Variants in RBFOX1 observed in about 807,000 individuals in gnomAD.
RBFOX1 encodes RNA binding fox-1 homolog 1, also known as RNA binding protein fox-1 homolog 1.
A neutral mutation model predicts 57.7 loss-of-function variants in RBFOX1; 8 were observed. The observed-to-expected ratio is 0.14, with a 90% CI of 0.08 to 0.25. The LOEUF is 0.25. RBFOX1 is among the 10% of genes least tolerant of loss of function. The pLI is 1.00. For synonymous variants in RBFOX1, 326 were observed against 222.4 expected (o/e 1.47, Z -4.15); for missense variants, 611 against 548.5 (o/e 1.11, Z -1.14).
chr16:7,563,937 C>A (rs1457653419), intron 5 of RBFOX1, among the ~76,000 whole-genome samples: 1 of 152,118 alleles, frequency 6.6e-6, no homozygotes, highest in East Asian at 1.9e-4. Context: ...AGTAGGTGCT[C>A]AGTAAATATA....
At chr16:5,294,048 G>T (rs1157046147) in intron 1 of RBFOX1, among the ~76,000 whole-genome samples, 1 of 152,070 alleles carries the variant, frequency 6.6e-6, no homozygotes, top group Non-Finnish European at 1.5e-5. Flanking sequence ...GGCCAACGTG[G>T]TGAAACCCTA....
At chr16:7,702,303 C>T (rs1402155620) in intron 14 of RBFOX1, among the ~76,000 whole-genome samples, 2 of 152,166 alleles carry the variant, frequency 1.3e-5, no homozygotes, top group Admixed American at 6.5e-5. Flanking sequence ...ATATTCTGGG[C>T]TACATTTCTT....
At chr16:5,757,840 T>G (rs2053454555) in intron 3 of RBFOX1, among the ~76,000 whole-genome samples, 1 of 152,164 alleles carries the variant, frequency 6.6e-6, no homozygotes, top group South Asian at 2.1e-4. Flanking sequence ...GGCTCATGCT[T>G]CTACTACTGT....
chr16:6,376,110 G>A (rs1006336610), intron 2 of RBFOX1, among the ~76,000 whole-genome samples: 4 of 152,094 alleles, frequency 2.6e-5, no homozygotes, highest in Non-Finnish European at 5.9e-5. Context: ...CTTTTACAAT[G>A]AGCTCTCATA....
intron 1 of RBFOX1, among the ~76,000 whole-genome samples, chr16:5,306,042 A>G (rs1484330375): frequency 6.6e-6 from 1 of 151,908 alleles, no homozygotes; most frequent in Non-Finnish European, 1.5e-5. Flanking sequence ...AATTAGACAC[A>G]TACACAAAAG....
intron 3 of RBFOX1, among the ~76,000 whole-genome samples, chr16:6,938,413 G>A (rs1024720110): frequency 6.6e-6 from 1 of 152,184 alleles, no homozygotes; most frequent in Admixed American, 6.5e-5. Flanking sequence ...TCGGAAAAAT[G>A]TAACTGTTAC....
chr16:7,091,209 G>A (rs4142923), intron 4 of RBFOX1, among the ~76,000 whole-genome samples: 98,532 of 151,598 alleles, frequency 0.65, 32,072 homozygotes, highest in African/African-American at 0.7. Context: ...TACATTCCAA[G>A]TACACTTCCT....
chr16:6,660,663 A>G (rs1232449359), intron 3 of RBFOX1, among the ~76,000 whole-genome samples: 2 of 152,184 alleles, frequency 1.3e-5, no homozygotes, highest in Non-Finnish European at 2.9e-5. Flanking sequence ...GAGTGATACA[A>G]TCTGCTTGAA....
At chr16:5,268,918 T>A (rs983619971) in intron 1 of RBFOX1, among the ~76,000 whole-genome samples, 24 of 40,838 alleles carry the variant, frequency 5.9e-4, no homozygotes, top group Admixed American at 1.8e-3. Context: ...ATTTTCTCTA[T>A]TTTTTTTTTT....
intron 3 of RBFOX1, among the ~76,000 whole-genome samples, chr16:6,847,513 C>G (rs537368790): frequency 6.6e-6 from 1 of 152,134 alleles, no homozygotes; most frequent in Non-Finnish European, 1.5e-5. Flanking sequence ...TTTTATTGGC[C>G]AAAGCATGAT....
intron 4 of RBFOX1, among the ~76,000 whole-genome samples, chr16:5,889,223 C>T (rs552751864): frequency 3.8e-4 from 58 of 152,160 alleles, no homozygotes; most frequent in Non-Finnish European, 6.6e-4. Flanking sequence ...AACTATTCCT[C>T]CTGATGCTCT....
At chr16:5,945,282 C>G (rs891117794) in intron 4 of RBFOX1, among the ~76,000 whole-genome samples, 3 of 152,166 alleles carry the variant, frequency 2.0e-5, no homozygotes, top group Non-Finnish European at 2.9e-5. Flanking sequence ...CGAGGACCCA[C>G]ACATGGTCTG....
chr16:6,948,730 T>G (rs1488536126), intron 3 of RBFOX1, among the ~76,000 whole-genome samples: 1 of 152,146 alleles, frequency 6.6e-6, no homozygotes, highest in Non-Finnish European at 1.5e-5. Flanking sequence ...TGACTATGTT[T>G]TGAAATGTTC....
intron 2 of RBFOX1, among the ~76,000 whole-genome samples, chr16:5,515,111 C>A (rs1443914329): frequency 6.6e-6 from 1 of 152,216 alleles, no homozygotes; most frequent in African/African-American, 2.4e-5. Flanking sequence ...GAGAGGGCAA[C>A]AAGTCATCCA....
intron 4 of RBFOX1, among the ~76,000 whole-genome samples, chr16:7,229,744 A>AG (rs2093375336): frequency 1.1e-5 from 1 of 94,858 alleles, no homozygotes; most frequent in Non-Finnish European, 2.2e-5. Context: ...GAGGGGGAAG[A>AG]AGGAAGGGAG....
intron 1 of RBFOX1, among the ~76,000 whole-genome samples, chr16:5,354,991 G>A (rs1337937740): frequency 2.5e-5 from 3 of 122,408 alleles, no homozygotes; most frequent in African/African-American, 7.8e-5. Context: ...AGGGGTGAAG[G>A]GATGTGTATG....
At chr16:6,811,912 A>C (rs1332885644) in intron 3 of RBFOX1, among the ~76,000 whole-genome samples, 2 of 152,136 alleles carry the variant, frequency 1.3e-5, no homozygotes, top group Non-Finnish European at 2.9e-5. Flanking sequence ...AATAAAATAC[A>C]AAATATAAGG....
chr16:5,351,316 C>G (rs1035199614), intron 1 of RBFOX1, among the ~76,000 whole-genome samples: 3 of 152,196 alleles, frequency 2.0e-5, no homozygotes, highest in Admixed American at 2.0e-4. Flanking sequence ...AGAATTCCGT[C>G]TTCTAACTAC....
At chr16:5,371,635 T>G (rs2065859084) in intron 1 of RBFOX1, among the ~76,000 whole-genome samples, 1 of 152,178 alleles carries the variant, frequency 6.6e-6, no homozygotes, top group Non-Finnish European at 1.5e-5. Flanking sequence ...ATGTGTACAT[T>G]TCTGAGTGGT....
Sources: gnomAD v4.1 joint callset for allele counts (sites outside exome capture counted in the v4.1 genomes callset) on GRCh38, gnomAD v4.1.1 for gene constraint, MANE v1.5 for transcripts, NCBI Gene and HGNC (gene_info 2026-07-23, HGNC 2026-07-21) for gene names.